JMJD1C: variants seen among roughly 807,000 people sequenced by gnomAD.
The protein encoded by JMJD1C is jumonji domain-containing protein 1C.
A neutral mutation model predicts 245.3 loss-of-function variants in JMJD1C; 31 were observed. That is an observed-to-expected ratio of 0.13 (90% CI 0.09 to 0.17). JMJD1C has a LOEUF of 0.17. JMJD1C is among the 10% of genes least tolerant of loss of function. JMJD1C has a pLI of 1.00. For synonymous variants in JMJD1C, 1,057 were observed against 1,017.4 expected, an observed-to-expected ratio of 1.04 and a Z score of -0.74; for missense variants, 2,691 against 3,000.2, an observed-to-expected ratio of 0.90 and a Z score of 2.41.
At chr10:63,338,719 G>A (rs1943094825) in intron 2 of JMJD1C, among the ~76,000 whole-genome samples, 1 of 132,444 alleles carries the variant, frequency 7.6e-6, no homozygotes, top group Admixed American at 8.8e-5. Flanking sequence ...TGCAATCTCA[G>A]CTCACCGCAA....
At chr10:63,281,454 T>C (rs917491469) in intron 2 of JMJD1C, among the ~76,000 whole-genome samples, 1 of 128,518 alleles carries the variant, frequency 7.8e-6, no homozygotes, top group Non-Finnish European at 1.6e-5. Flanking sequence ...CCACTGCGCC[T>C]GGCCTTTTTT....
At chr10:63,343,205 T>A (rs7908127) in intron 2 of JMJD1C, among the ~76,000 whole-genome samples, 9 of 151,906 alleles carry the variant, frequency 5.9e-5, no homozygotes, top group Admixed American at 3.9e-4. Context: ...CTACAAAAAA[T>A]TTTTTTAAAA....
Position 63,202,374 on chromosome 10 carries a change from A to G in JMJD1C, c.5075-1697T>C, listed in dbSNP as rs905318372. On this transcript the variant is annotated intron_variant, in intron 10 of 25. Transcript: ENST00000399262. Reference sequence around the variant, plus strand: ...TATATGTCAGATATTAGATTTACATAGTTTGCTATTTCTGTCATGCTGAAA... The same window carrying G: ...TATATGTCAGATATTAGATTTACATGGTTTGCTATTTCTGTCATGCTGAAA... 4 of 985,226 alleles carry G rather than the reference A, an allele frequency of 4.1e-6. No homozygotes were observed. The African/African-American group carries it at 7.0e-5, about 17-fold the overall frequency. The allele number at this position is 985,226 out of a possible 1,614,324, so 61.0% of individuals were successfully genotyped here. A position where few individuals can be genotyped will look rare whatever the true frequency, so the allele number is the denominator to read the frequency against.
At chr10:63,248,526 ATAG>A (rs1852576298) in intron 3 of JMJD1C, among the ~76,000 whole-genome samples, 1 of 126,246 alleles carries the variant, frequency 7.9e-6, no homozygotes, top group East Asian at 2.4e-4. Flanking sequence ...ATCTCAATAG[ATAG>A]ATAAATAAAT....
chr10:63,414,215 T>C (rs995700223), intron 1 of JMJD1C, among the ~76,000 whole-genome samples: 8 of 152,084 alleles, frequency 5.3e-5, no homozygotes, highest in African/African-American at 1.7e-4. Context: ...CTCGATCTCC[T>C]GACCTCGTGA....
chr10:63,253,323 A>G (rs998661024), intron 3 of JMJD1C, among the ~76,000 whole-genome samples: 2 of 152,166 alleles, frequency 1.3e-5, no homozygotes, highest in African/African-American at 2.4e-5. Flanking sequence ...ACTTTTCAAA[A>G]AGTGGTGCTG....
chr10:63,264,769 C>CA lies in JMJD1C; in HGVS notation c.334-6dup. On this transcript the variant is annotated splice_polypyrimidine_tract_variant and splice_region_variant and intron_variant, in intron 2 of 25. Coordinates refer to ENST00000399262, the MANE Select transcript of JMJD1C (RefSeq NM_032776.3). ...TTCAACCAGAGGTTTGAAAGTCTGCCAAGAAAAAAAAAATTTCTAATGATA... is the reference window on the plus strand; with the variant it reads ...TTCAACCAGAGGTTTGAAAGTCTGCCAAAGAAAAAAAAAATTTCTAATGATA... The CA allele has an allele frequency of 7.2e-7, 1 of 1,398,208 alleles. No individual in the cohort carries two copies. The highest frequency in any genetic ancestry group is 2.1e-5 in the Admixed American group (1 of 48,310). The allele number at this position is 1,398,208 out of a possible 1,614,324, so 86.6% of individuals were successfully genotyped here. A position where few individuals can be genotyped will look rare whatever the true frequency, so the allele number is the denominator to read the frequency against.
intron 3 of JMJD1C, among the ~76,000 whole-genome samples, chr10:63,238,959 A>T (rs1419582393): frequency 2.6e-5 from 4 of 152,220 alleles, no homozygotes; most frequent in Non-Finnish European, 5.9e-5. Flanking sequence ...TACGATACAG[A>T]TTAAAGTATC....
chr10:63,293,723 T>C (rs1289412019), intron 2 of JMJD1C, among the ~76,000 whole-genome samples: 2 of 152,180 alleles, frequency 1.3e-5, no homozygotes, highest in African/African-American at 4.8e-5. Flanking sequence ...AATGATAACC[T>C]ATAAGAGGCT....
intron 13 of JMJD1C, among the ~76,000 whole-genome samples, chr10:63,194,948 T>C (rs1845270565): frequency 6.6e-6 from 1 of 152,204 alleles, no homozygotes; most frequent in Admixed American, 6.5e-5. Flanking sequence ...ATAAAAGCAT[T>C]TGATACCTTG....
At chr10:63,298,740 TC>T (rs1859726110) in intron 2 of JMJD1C, among the ~76,000 whole-genome samples, 1 of 152,200 alleles carries the variant, frequency 6.6e-6, no homozygotes, top group South Asian at 2.1e-4. Context: ...TTCATTCTAA[TC>T]TTTTTTTTTA....
At chr10:63,292,100 C>T (rs544051141) in intron 2 of JMJD1C, among the ~76,000 whole-genome samples, 33 of 131,112 alleles carry the variant, frequency 2.5e-4, no homozygotes, top group Non-Finnish European at 5.2e-4. Flanking sequence ...TATAGGCACA[C>T]GCCACCATAT....
chr10:63,348,161 G>A (rs548425641), intron 2 of JMJD1C, among the ~76,000 whole-genome samples: 9 of 149,714 alleles, frequency 6.0e-5, no homozygotes, highest in Admixed American at 2.7e-4. Context: ...AGCTGGGATC[G>A]CGCCATTGTA....
intron 1 of JMJD1C, among the ~76,000 whole-genome samples, chr10:63,439,069 G>A (rs1951215036): frequency 6.6e-6 from 1 of 152,074 alleles, no homozygotes; most frequent in Admixed American, 6.5e-5. Flanking sequence ...ATAAATCTAG[G>A]ATTGCCCCCT....
chr10:63,274,109 A>C (rs1180926511), intron 2 of JMJD1C, among the ~76,000 whole-genome samples: 1 of 152,230 alleles, frequency 6.6e-6, no homozygotes, highest in Non-Finnish European at 1.5e-5. Context: ...TATGGGTGGA[A>C]AAAAAGATGA....
At chr10:63,473,037 C>T (rs1953543255) in intron 1 of JMJD1C, among the ~76,000 whole-genome samples, 1 of 152,186 alleles carries the variant, frequency 6.6e-6, no homozygotes, top group East Asian at 1.9e-4. Context: ...CCCTCCTCGG[C>T]CTCCCAAAGT....
intron 1 of JMJD1C, among the ~76,000 whole-genome samples, chr10:63,459,534 A>G (rs1489109980): frequency 6.6e-6 from 1 of 152,232 alleles, no homozygotes; most frequent in Non-Finnish European, 1.5e-5. Flanking sequence ...AGAAAGTTAG[A>G]TATTTATACT....
chr10:63,389,868 C>A (rs1170994475), intron 1 of JMJD1C, among the ~76,000 whole-genome samples: 5 of 151,914 alleles, frequency 3.3e-5, no homozygotes, highest in African/African-American at 1.2e-4. Context: ...CAAAACATAC[C>A]AAAATCTAGA....
chr10:63,280,436 GT>G (rs1252885116), intron 2 of JMJD1C, among the ~76,000 whole-genome samples: 1 of 152,120 alleles, frequency 6.6e-6, no homozygotes, highest in African/African-American at 2.4e-5. Context: ...TGTAGTCCCA[GT>G]TACTCGGGAG....
Sources: allele counts gnomAD v4.1 joint callset (sites outside exome capture counted in the v4.1 genomes callset), GRCh38; gene constraint gnomAD v4.1.1; transcripts MANE v1.5; gene names NCBI Gene and HGNC (gene_info 2026-07-23, HGNC 2026-07-21).